FAM20B: variants seen among roughly 807,000 people sequenced by gnomAD.
The protein encoded by FAM20B is glycosaminoglycan xylosylkinase.
In FAM20B, 23 loss-of-function variants were observed where a neutral mutation model predicts 43.8. That is an observed-to-expected ratio of 0.53 (90% confidence interval 0.38 to 0.74). The LOEUF is 0.74. FAM20B is among the 30% of genes least tolerant of loss of function. The pLI is 0.00. For synonymous variants in FAM20B, 178 were observed against 192.4 expected, an observed-to-expected ratio of 0.93 and a Z score of 0.62; for missense variants, 440 against 510.5, an observed-to-expected ratio of 0.86 and a Z score of 1.33.
chr1:179,053,438 A>G (rs965167961), intron 3 of FAM20B, among the ~76,000 whole-genome samples: 28 of 133,078 alleles, frequency 2.1e-4, no homozygotes, highest in African/African-American at 6.3e-4. Flanking sequence ...TCAAAAACCA[A>G]CCACCCAAAC....
intron 4 of FAM20B, among the ~76,000 whole-genome samples, chr1:179,061,811 T>C (rs1475280071): frequency 6.6e-6 from 1 of 152,150 alleles, no homozygotes; most frequent in Non-Finnish European, 1.5e-5. Context: ...CATGTGCTTA[T>C]TTATATCACC....
At chr1:179,018,092 T>C in the FAM20B span, among the ~76,000 whole-genome samples, 1 of 152,216 alleles carries the variant, frequency 6.6e-6, no homozygotes, top group Non-Finnish European at 1.5e-5. Flanking sequence ...CAGTTGCTTA[T>C]GGATTCTCCA....
At position 179,072,253 on chromosome 1, in the gene FAM20B, G is replaced by A; in HGVS notation, c.*109G>A. 1.2e-6 allele frequency: 1 copy of A among 857,820 alleles called. No individual in the cohort carries two copies. Among genetic ancestry groups the A allele is most frequent in the South Asian group, 1.7e-5 (1 of 58,586 alleles). 53.1% of individuals were successfully genotyped at this position (857,820 alleles called of 1,614,324 possible). On this transcript the variant is annotated 3_prime_UTR_variant, in exon 8 of 8. Coordinates refer to ENST00000263733, the MANE Select transcript of FAM20B (RefSeq NM_014864.4). ...GAAGTGGCCAGCAGCAAGTTCTGGTGACGGGACAGAGTGGCCTTGGATGTC... is the reference window on the plus strand; with the variant it reads ...GAAGTGGCCAGCAGCAAGTTCTGGTAACGGGACAGAGTGGCCTTGGATGTC...
At chr1:179,054,256 A>G (rs1013244776) in intron 3 of FAM20B, among the ~76,000 whole-genome samples, 1 of 152,108 alleles carries the variant, frequency 6.6e-6, no homozygotes, top group Non-Finnish European at 1.5e-5. Context: ...TAGAAAGAAT[A>G]GTATAATGAG....
rs770426196 is a variant in FAM20B, at chr1:179,044,218, C to T, written c.371C>T (p.Pro124Leu). ...GGAGGCCAGAAAGTTGTTTTCAAAC[C>T]TAAGCGGTAAGTTTTGATCTTGGAA... is the stretch of plus-strand genomic sequence containing the variant. ...LEGGQKVVFK[P>L]KRYSRDHVVE... Residue 124 changes from proline to leucine, a missense_variant, in exon 2 of 8, where the codon CCT becomes CTT. By Grantham distance (98) the Pro-to-Leu change is moderately conservative. Transcript: ENST00000263733. 1.2e-6 allele frequency: 2 copies of T among 1,602,424 alleles called. No individual in the cohort carries two copies. The highest frequency in any genetic ancestry group is 1.7e-6 in the Non-Finnish European group (2 of 1,173,000).
At chr1:179,032,602 C>A (rs917519225) in intron 1 of FAM20B, among the ~76,000 whole-genome samples, 3 of 152,044 alleles carry the variant, frequency 2.0e-5, no homozygotes, top group Non-Finnish European at 2.9e-5. Context: ...ATGCTTTTAA[C>A]CCCTCTGCTA....
intron 1 of FAM20B, among the ~76,000 whole-genome samples, chr1:179,042,271 G>C (rs996709756): frequency 8.5e-5 from 13 of 152,236 alleles, no homozygotes; most frequent in Non-Finnish European, 1.6e-4. Context: ...CATGGGGTCT[G>C]GCCACTGTAC....
At chr1:179,061,629 G>A (rs1234479923) in intron 4 of FAM20B, among the ~76,000 whole-genome samples, 1 of 152,068 alleles carries the variant, frequency 6.6e-6, no homozygotes, top group Non-Finnish European at 1.5e-5. Flanking sequence ...GGCTGGTCTC[G>A]AATTCCTGGG....
intron 1 of FAM20B, among the ~76,000 whole-genome samples, chr1:179,038,420 A>AG (rs1165071124): frequency 1.3e-5 from 2 of 151,760 alleles, no homozygotes; most frequent in African/African-American, 2.4e-5. Context: ...TCAAAAAAAA[A>AG]AAAAAAGAAA....
chr1:179,060,844 T>C (rs1651432049), intron 4 of FAM20B, among the ~76,000 whole-genome samples: 1 of 152,252 alleles, frequency 6.6e-6, no homozygotes, highest in Non-Finnish European at 1.5e-5. Flanking sequence ...CATAGAAATA[T>C]ATAAGAGTGA....
upstream of FAM20B, among the ~76,000 whole-genome samples, chr1:179,021,471 T>A (rs929497986): frequency 4.6e-5 from 7 of 152,320 alleles, no homozygotes; most frequent in African/African-American, 1.4e-4. Context: ...GAGAAATTCA[T>A]AACAAACTGG....
intron 1 of FAM20B, among the ~76,000 whole-genome samples, chr1:179,029,135 C>T (rs964085291): frequency 1.3e-5 from 2 of 152,232 alleles, no homozygotes; most frequent in African/African-American, 4.8e-5. Flanking sequence ...GAACTTAGAG[C>T]TCTTGGCAAT....
Position 179,046,592 on chromosome 1 carries a change from C to T in FAM20B, c.377+2368C>T, listed in dbSNP as rs764430428. 3.9e-5 allele frequency among the ~76,000 whole-genome samples: 6 copies of T among 152,008 alleles called. No homozygotes were observed. In the East Asian group the frequency reaches 7.8e-4, roughly 20 times the overall value. ...ACTTGAACCTGGGAGGCGAAGGTTG[C>T]GGTGAGCTGAGATTGCACCATTGCA... On this transcript the variant is annotated intron_variant, in intron 2 of 7. Transcript: ENST00000263733.
At position 179,072,003 on chromosome 1, in the gene FAM20B, C is replaced by G. The variant is rs1225278157; in HGVS notation, c.1089C>G (p.Ile363Met). 6.2e-7 allele frequency: 1 copy of G among 1,614,136 alleles called. No individual in the cohort carries two copies. Among genetic ancestry groups the G allele is most frequent in the South Asian group, 1.1e-5 (1 of 91,068 alleles). ...ALKSAMAHDP[I>M]SPVLSDPHLD... is the part of the protein sequence containing the mutation. ...AATCTGCCATGGCCCATGACCCCAT[C>G]TCCCCAGTGCTCTCTGATCCTCATC... Residue 363 changes from isoleucine (I) to methionine (M), a missense_variant, in exon 8 of 8, where the codon ATC becomes ATG. Transcript: ENST00000263733.
chr1:179,071,289 C>G (rs1651914078), intron 7 of FAM20B, among the ~76,000 whole-genome samples: 1 of 151,866 alleles, frequency 6.6e-6, no homozygotes, highest in Non-Finnish European at 1.5e-5. Flanking sequence ...GAGCAAGACT[C>G]TGTCTCAAAA....
chr1:179,041,391 C>T (rs1650522768), intron 1 of FAM20B, among the ~76,000 whole-genome samples: 3 of 152,214 alleles, frequency 2.0e-5, no homozygotes, highest in South Asian at 2.1e-4. Flanking sequence ...AACGAGACTC[C>T]GTCTGCAATC....
rs1572564949 is a variant in FAM20B at position 179,072,539 on chromosome 1, A to T, written c.*395A>T. 2 of 163,942 alleles carry T rather than the reference A, an allele frequency of 1.2e-5. No homozygotes were observed. Among genetic ancestry groups the T allele is most frequent in the Admixed American group, 1.3e-4 (2 of 15,884 alleles). The allele number at this position is 163,942 out of a possible 1,614,324, so 10.2% of individuals were successfully genotyped here. On this transcript the variant is annotated 3_prime_UTR_variant, in exon 8 of 8. Transcript: ENST00000263733. ...CTACGCCCGTGGATTTTGTGGAAAC[A>T]CTTTGCAATCTCTTTGTCTTTTTTT...
intron 7 of FAM20B, among the ~76,000 whole-genome samples, chr1:179,067,359 A>G (rs572844971): frequency 6.6e-6 from 1 of 152,136 alleles, no homozygotes; most frequent in Non-Finnish European, 1.5e-5. Flanking sequence ...AATCCCAGCA[A>G]TTTGGGAGGC....
In FAM20B at chr1:179,047,894, A is replaced by T. The variant is rs1215276132; in HGVS notation, c.378-2385A>T. Among the ~76,000 whole-genome samples the T allele has an allele frequency of 2.0e-5, 3 of 152,192 alleles. No individual in the cohort carries two copies. In the East Asian group the frequency reaches 5.8e-4, roughly 29 times the overall value. ...TTTGCTGCTCTGTCAGTGACTTAAG[A>T]TGGATCACTCTCTGGTAAGAGAAGA... On this transcript the variant is annotated intron_variant, in intron 2 of 7. Transcript: ENST00000263733.
Sources: gnomAD v4.1 joint callset for allele counts (sites outside exome capture counted in the v4.1 genomes callset) on GRCh38, gnomAD v4.1.1 for gene constraint, MANE v1.5 for transcripts, NCBI Gene and HGNC (gene_info 2026-07-23, HGNC 2026-07-21) for gene names.